SERF2: variants seen among roughly 807,000 people sequenced by gnomAD.
The protein encoded by SERF2 is small EDRK-rich factor 2.
In SERF2, 4 loss-of-function variants were observed where a neutral mutation model predicts 10.7. The observed-to-expected ratio is 0.37, with a 90% CI of 0.18 to 0.86. SERF2 has a LOEUF of 0.86. Ranked by LOEUF, SERF2 falls within the 40% of genes least tolerant of loss-of-function variation. SERF2 has a pLI of 0.43. For synonymous variants in SERF2, 26 were observed against 26.0 expected (o/e 1.00, Z 0.01); for missense variants, 47 against 79.1 (o/e 0.59, Z 1.54).
In SERF2 at chr15:43,795,202, G is replaced by T. The variant is rs371410955; in HGVS notation, c.*1429G>T. ...CTTGATGAAGGTCTTTTCCAGTTCT[G>T]CTCCCTCATAGCTGTGTAACCAAAG... is the stretch of plus-strand genomic sequence containing the variant. On this transcript the variant is annotated 3_prime_UTR_variant, in exon 3 of 3. Transcript: ENST00000249786. The T allele has an allele frequency of 6.2e-7, 1 of 1,613,906 alleles. No homozygotes were observed. Among genetic ancestry groups the T allele is most frequent in the Non-Finnish European group, 8.5e-7 (1 of 1,179,978 alleles).
At chr15:43,783,114 T>C (rs1297493716) in intron 1 of SERF2, among the ~76,000 whole-genome samples, 1 of 149,754 alleles carries the variant, frequency 6.7e-6, no homozygotes, top group Non-Finnish European at 1.5e-5. Flanking sequence ...TTCAAGCCAC[T>C]CTCCTGCCTC....
chr15:43,781,102 A>T (rs1314364144), intron 1 of SERF2, among the ~76,000 whole-genome samples: 1 of 152,192 alleles, frequency 6.6e-6, no homozygotes, highest in Non-Finnish European at 1.5e-5. Flanking sequence ...ACACTGTGAT[A>T]CGCTCTGATA....
At chr15:43,780,600 C>T (rs2086957159) in intron 1 of SERF2, among the ~76,000 whole-genome samples, 1 of 152,116 alleles carries the variant, frequency 6.6e-6, no homozygotes, top group African/African-American at 2.4e-5. Flanking sequence ...TAGCAACAAC[C>T]ACCCTTCTGC....
intron 1 of SERF2, among the ~76,000 whole-genome samples, chr15:43,777,772 C>G (rs2086932097): frequency 6.6e-6 from 1 of 152,098 alleles, no homozygotes; most frequent in Non-Finnish European, 1.5e-5. Context: ...CAGCACCAAC[C>G]TCTGGCCAGC....
chr15:43,786,454 G>A (rs1038784199), intron 2 of SERF2, among the ~76,000 whole-genome samples: 2 of 149,744 alleles, frequency 1.3e-5, no homozygotes, highest in African/African-American at 4.9e-5. Context: ...CGTTTGGTAC[G>A]CATGGAAAGA....
At chr15:43,789,376 C>T (rs1046856614), upstream of SERF2, among the ~76,000 whole-genome samples, 8 of 152,126 alleles carry the variant, frequency 5.3e-5, no homozygotes, top group South Asian at 2.1e-4. Context: ...GGCCTTAGGG[C>T]CTTCACACGT....
At chr15:43,784,603 G>C (rs2086990354) in intron 1 of SERF2, among the ~76,000 whole-genome samples, 1 of 151,940 alleles carries the variant, frequency 6.6e-6, no homozygotes, top group Admixed American at 6.6e-5. Flanking sequence ...CGAGTAGCTG[G>C]GACTACAGGC....
At chr15:43,787,475 G>A (rs28377539), upstream of SERF2, among the ~76,000 whole-genome samples, 50,839 of 152,004 alleles carry the variant, frequency 0.33, 8,592 homozygotes, top group Admixed American at 0.35. Flanking sequence ...TCCGCTCACC[G>A]CAACCTCTGC....
chr15:43,787,018 G>C (rs74587099), intron 2 of SERF2, among the ~76,000 whole-genome samples: 1 of 114,362 alleles, frequency 8.7e-6, no homozygotes, highest in Admixed American at 9.8e-5. Context: ...TTTTTTTTTT[G>C]AGATGGAGTC....
Position 43,795,772 on chromosome 15 carries a change from A to C in SERF2, c.*1999A>C. 1 of 1,605,652 alleles carries C rather than the reference A, an allele frequency of 6.2e-7. No homozygotes were observed. The highest frequency in any genetic ancestry group is 8.5e-7 in the Non-Finnish European group (1 of 1,174,538). ...GAACGCAGGTTTTGGAATGGTCTTA[A>C]AAGATGTGAGGGTGTTAATCTAGGA... On this transcript the variant is annotated 3_prime_UTR_variant, in exon 3 of 3. Transcript: ENST00000249786.
chr15:43,780,153 T>C (rs955775300), intron 1 of SERF2, among the ~76,000 whole-genome samples: 1 of 152,172 alleles, frequency 6.6e-6, no homozygotes, highest in Non-Finnish European at 1.5e-5. Context: ...TTTTCTTTTT[T>C]TGGAGGCCAG....
At chr15:43,777,099 C>A (rs199521965), upstream of SERF2, 2 of 867,946 alleles carry the variant, frequency 2.3e-6, no homozygotes, top group Non-Finnish European at 3.8e-6. Flanking sequence ...TCGCTCTCCC[C>A]GGCCAACCGC....
In SERF2 at chr15:43,795,076, T is replaced by C. The variant is rs375421621; in HGVS notation, c.*1303T>C. 1.0e-5 allele frequency: 16 copies of C among 1,587,304 alleles called. No homozygotes were observed. Among genetic ancestry groups the C allele is most frequent in the Admixed American group, 1.7e-5 (1 of 59,906 alleles). ...CCTCAAGATAAGGGGCTGGGGTTTC[T>C]GGGTGGGGGGCCAACAGAGTGGTGC... On this transcript the variant is annotated 3_prime_UTR_variant, in exon 3 of 3. Coordinates refer to ENST00000249786, the MANE Select transcript of SERF2 (RefSeq NM_001018108.4).
chr15:43,779,370 G>A (rs996810564), intron 1 of SERF2, among the ~76,000 whole-genome samples: 10 of 152,104 alleles, frequency 6.6e-5, no homozygotes, highest in African/African-American at 2.2e-4. Context: ...TTAGGAATGT[G>A]TCAAACACTA....
chr15:43,793,071 C>T lies in SERF2; in HGVS notation c.104C>T (p.Ala35Val). The stretch of plus-strand genomic sequence containing the variant: ...CGAGATGACGGGCTTTCTGCTGCCG[C>T]CCGCAAGCAGAGGTAGCCCCAGGGA... ...KRRDDGLSAA[A>V]RKQRDSEIMQ... is the part of the protein sequence containing the mutation. Residue 35 changes from alanine to valine, a missense_variant, in exon 2 of 3, where the codon GCC becomes GTC. Physicochemically the swap from Ala to Val is moderately conservative, Grantham distance 64. Transcript: ENST00000249786. 6.2e-7 allele frequency: 1 copy of T among 1,609,632 alleles called. No homozygotes were observed. Among genetic ancestry groups the T allele is most frequent in the Non-Finnish European group, 8.5e-7 (1 of 1,176,236 alleles).
intron 1 of SERF2, 92 bp downstream of exon 1, chr15:43,792,475 C>T: frequency 6.2e-7 from 1 of 1,605,966 alleles, no homozygotes; most frequent in Non-Finnish European, 8.5e-7. Flanking sequence ...CCGTAGCTTC[C>T]CTAGCAAGGC....
At chr15:43,784,748 G>A (rs1035113244) in intron 1 of SERF2, among the ~76,000 whole-genome samples, 1 of 150,134 alleles carries the variant, frequency 6.7e-6, no homozygotes, top group African/African-American at 2.5e-5. Context: ...GAGCCACCGC[G>A]CCCGGCCCTA....
Position 43,795,307 on chromosome 15 carries a change from G to T in SERF2, c.*1534G>T. 6.3e-7 allele frequency: 1 copy of T among 1,592,508 alleles called. No homozygotes were observed. The highest frequency in any genetic ancestry group is 8.6e-7 in the Non-Finnish European group (1 of 1,161,218). On this transcript the variant is annotated 3_prime_UTR_variant, in exon 3 of 3. Coordinates refer to ENST00000249786, the MANE Select transcript of SERF2 (RefSeq NM_001018108.4). ...ACCAAATATAATGGCAGACCCATGT[G>T]TGTCTGGAATGGCCTTGAATTGCTC...
chr15:43,792,308 G>C, upstream of SERF2: 9 of 1,342,946 alleles, frequency 6.7e-6, no homozygotes, highest in Non-Finnish European at 9.6e-6. Flanking sequence ...TGCCAGAAGG[G>C]GCGGGACCTG....
Sources: gnomAD v4.1 joint callset for allele counts (sites outside exome capture counted in the v4.1 genomes callset) on GRCh38, gnomAD v4.1.1 for gene constraint, MANE v1.5 for transcripts, NCBI Gene and HGNC (gene_info 2026-07-23, HGNC 2026-07-21) for gene names.